Variants in TENM4 observed in about 807,000 individuals in gnomAD.
TENM4 encodes the protein teneurin-4.
A neutral mutation model predicts 243.3 loss-of-function variants in TENM4; 82 were observed. The observed-to-expected ratio is 0.34, with a 90% confidence interval of 0.28 to 0.40. The LOEUF (loss-of-function observed/expected upper bound fraction) is 0.40, where lower values mean the gene tolerates loss of function less well. Ranked by LOEUF, TENM4 falls within the 10% of genes least tolerant of loss-of-function variation. TENM4 has a pLI of 1.00. For missense variants in TENM4, 3,138 were observed against 3,673.3 expected, an observed-to-expected ratio of 0.85 and a Z score of 3.77; for synonymous variants, 1,412 against 1,456.3, an observed-to-expected ratio of 0.97 and a Z score of 0.69.
Position 79,439,795 on chromosome 11 carries a change from G to C in TENM4, c.-321+714C>G, listed in dbSNP as rs191032933. Among the ~76,000 whole-genome samples, 13 of 152,284 alleles carry C rather than the reference G, an allele frequency of 8.5e-5. No individual in the cohort carries two copies. The East Asian group carries it at 2.5e-3, about 29-fold the overall frequency. On this transcript the variant is annotated intron_variant, in intron 1 of 33. Transcript: ENST00000278550. The stretch of plus-strand genomic sequence containing the variant: ...CTCGGTGATCACATTTCAACCCAGA[G>C]CACATTTCCCGAAGCTGGGGGTGAG...
intron 9 of TENM4, among the ~76,000 whole-genome samples, chr11:78,873,812 T>C (rs1859196514): frequency 6.6e-6 from 1 of 152,292 alleles, no homozygotes; most frequent in Non-Finnish European, 1.5e-5. Context: ...TACTTCTGCC[T>C]GCTCAGGAGT....
intron 1 of TENM4, among the ~76,000 whole-genome samples, chr11:79,424,680 A>C (rs2135596414): frequency 6.6e-6 from 1 of 151,590 alleles, no homozygotes; most frequent in South Asian, 2.1e-4. Context: ...CACGCCTGTA[A>C]TCCCAACACT....
At chr11:79,431,698 T>G (rs1265048791) in intron 1 of TENM4, among the ~76,000 whole-genome samples, 1 of 152,214 alleles carries the variant, frequency 6.6e-6, no homozygotes, top group Admixed American at 6.5e-5. Context: ...ATAGTCTGCC[T>G]GTAGTCATAC....
rs1855852077 is a variant in TENM4, at chr11:78,738,581, A to C, written c.2757-11T>G. The C allele has an allele frequency of 6.2e-7, 1 of 1,612,824 alleles. No individual in the cohort carries two copies. The highest frequency in any genetic ancestry group is 8.5e-7 in the Non-Finnish European group (1 of 1,179,356). On this transcript the variant is annotated splice_polypyrimidine_tract_variant and intron_variant, in intron 19 of 33. Coordinates refer to ENST00000278550, the MANE Select transcript of TENM4 (RefSeq NM_001098816.3). ...ATAACACAAGCATGCCTGTGGGAAG[A>C]GAAGAGAGAATAAACATGATACACC...
intron 6 of TENM4, among the ~76,000 whole-genome samples, chr11:79,019,236 A>G (rs2136791876): frequency 6.6e-6 from 1 of 152,306 alleles, no homozygotes; most frequent in South Asian, 2.1e-4. Flanking sequence ...AGCCTGGACC[A>G]GATCTAGGTA....
At chr11:79,058,104 AT>A (rs1859986461) in intron 6 of TENM4, among the ~76,000 whole-genome samples, 1 of 152,158 alleles carries the variant, frequency 6.6e-6, no homozygotes, top group Non-Finnish European at 1.5e-5. Flanking sequence ...TATGGGTTCA[AT>A]TTCTTTTCTG....
At chr11:78,685,611 T>C (rs1462023306) in intron 29 of TENM4, among the ~76,000 whole-genome samples, 2 of 152,240 alleles carry the variant, frequency 1.3e-5, no homozygotes, top group African/African-American at 4.8e-5. Context: ...AACTGAGGAA[T>C]GTGGCACTTT....
intron 26 of TENM4, among the ~76,000 whole-genome samples, chr11:78,712,019 G>A (rs1400762291): frequency 2.0e-5 from 3 of 152,168 alleles, no homozygotes; most frequent in East Asian, 3.8e-4. Flanking sequence ...TAACCCACCC[G>A]ATAGCATATG....
intron 6 of TENM4, among the ~76,000 whole-genome samples, chr11:79,012,872 T>C (rs1565166877): frequency 6.6e-6 from 1 of 152,232 alleles, no homozygotes; most frequent in South Asian, 2.1e-4. Context: ...AAGGTGTGAT[T>C]GTTCTCATCC....
chr11:78,955,876 C>A (rs1857198863), intron 6 of TENM4, among the ~76,000 whole-genome samples: 1 of 152,164 alleles, frequency 6.6e-6, no homozygotes, highest in Non-Finnish European at 1.5e-5. Flanking sequence ...CCACTGCCCT[C>A]AATGCGGGGC....
At chr11:79,292,604 CT>C in intron 2 of TENM4, among the ~76,000 whole-genome samples, 1 of 152,334 alleles carries the variant, frequency 6.6e-6, no homozygotes, top group South Asian at 2.1e-4. Context: ...CAGTAATTCT[CT>C]GAAGGGGCCA....
chr11:78,895,496 G>A (rs191307110), intron 7 of TENM4, among the ~76,000 whole-genome samples: 47 of 152,224 alleles, frequency 3.1e-4, no homozygotes, highest in African/African-American at 1.0e-3. Flanking sequence ...CAGTGGCAGA[G>A]CTGAAACTAA....
At chr11:78,750,211 T>C (rs1402942138) in intron 19 of TENM4, among the ~76,000 whole-genome samples, 1 of 152,254 alleles carries the variant, frequency 6.6e-6, no homozygotes, top group Non-Finnish European at 1.5e-5. Flanking sequence ...CATACACATG[T>C]AACTGAAATA....
rs990103374 is a variant in TENM4, at chr11:78,756,937, G to A, written c.2624C>T (p.Pro875Leu). 1.2e-6 allele frequency: 2 copies of A among 1,613,984 alleles called. No homozygotes were observed. The highest frequency in any genetic ancestry group is 1.7e-6 in the Non-Finnish European group (2 of 1,179,884). The part of the protein sequence containing the change: ...INPLCLGSPN[P>L]LDIIQETQVP... The stretch of plus-strand genomic sequence containing the variant: ...CTGTGTCTCCTGGATGATGTCCAGA[G>A]GGTTAGGGGAGCCAAGGCACAGCGG... Residue 875 changes from proline to leucine, a missense_variant, in exon 19 of 34, where the codon CCT (proline) becomes CTT (leucine). Physicochemically the swap from Pro to Leu is moderately conservative, Grantham distance 98 (BLOSUM62 -3). This residue lies in a region of TENM4 where 2,467 missense variants were observed against 3,059.1 expected (regional missense o/e 0.81). Transcript: ENST00000278550.
At chr11:78,807,035 T>C (rs1415702190) in intron 14 of TENM4, among the ~76,000 whole-genome samples, 2 of 152,240 alleles carry the variant, frequency 1.3e-5, no homozygotes, top group African/African-American at 4.8e-5. Context: ...ATTTCCTTCC[T>C]TTTTAAGGCT....
chr11:78,872,136 C>A (rs533254682), intron 9 of TENM4, among the ~76,000 whole-genome samples: 5 of 152,122 alleles, frequency 3.3e-5, no homozygotes, highest in Non-Finnish European at 5.9e-5. Flanking sequence ...CATAGCAGTG[C>A]CAAGATCCAA....
At chr11:79,185,449 G>T (rs1240783026) in intron 3 of TENM4, among the ~76,000 whole-genome samples, 1 of 152,168 alleles carries the variant, frequency 6.6e-6, no homozygotes, top group Non-Finnish European at 1.5e-5. Flanking sequence ...GAAGATTATA[G>T]TCTCATATCT....
chr11:78,676,001 G>T, intron 30 of TENM4, 151 bp downstream of exon 30: 1 of 736,236 alleles, frequency 1.4e-6, no homozygotes, highest in Non-Finnish European at 2.1e-6. Flanking sequence ...GACACACAAG[G>T]GTCTCTGATC....
intron 7 of TENM4, among the ~76,000 whole-genome samples, chr11:78,902,500 G>C (rs12276381): frequency 1.3e-5 from 2 of 152,278 alleles, no homozygotes; most frequent in Admixed American, 6.5e-5. Context: ...AGGTGAAGCA[G>C]CACTGGACAG....
Sources: gnomAD v4.1 joint callset for allele counts (sites outside exome capture counted in the v4.1 genomes callset) on GRCh38, gnomAD v4.1.1 for gene constraint, gnomAD v4.1.1 regional missense constraint, MANE v1.5 for transcripts, NCBI Gene and HGNC (gene_info 2026-07-23, HGNC 2026-07-21) for gene names.